Variants in RALYL observed in about 807,000 individuals in gnomAD.
The protein encoded by RALYL is RALY RNA binding protein like, also known as RNA-binding Raly-like protein.
Under a neutral mutation model 35.1 loss-of-function variants are expected in RALYL, and 29 were observed. The observed-to-expected ratio is 0.83, with a 90% CI of 0.61 to 1.13. The LOEUF (loss-of-function observed/expected upper bound fraction) is 1.13. RALYL is among the 50% of genes most tolerant of loss of function. The probability of loss-of-function intolerance (pLI) is 0.00; values close to 1 mark genes in which losing one functional copy is unlikely to be tolerated. For missense variants in RALYL, 359 were observed against 360.4 expected, an observed-to-expected ratio of 1.00 and a Z score of 0.03; for synonymous variants, 120 against 127.6, an observed-to-expected ratio of 0.94 and a Z score of 0.40.
intron 3 of RALYL, among the ~76,000 whole-genome samples, chr8:84,785,390 A>G (rs947072407): frequency 6.6e-6 from 1 of 152,134 alleles, no homozygotes; most frequent in African/African-American, 2.4e-5. Context: ...TTTAAGCCCC[A>G]TTTTCTCATA....
At chr8:84,315,925 A>G (rs1843677568) in intron 1 of RALYL, among the ~76,000 whole-genome samples, 1 of 152,146 alleles carries the variant, frequency 6.6e-6, no homozygotes, top group Non-Finnish European at 1.5e-5. Flanking sequence ...TTTGGTAATA[A>G]CAACCAAATA....
At chr8:84,895,008 G>GTCTGGCTCACA (rs1192120062) in intron 8 of RALYL, among the ~76,000 whole-genome samples, 2 of 152,164 alleles carry the variant, frequency 1.3e-5, no homozygotes, top group Non-Finnish European at 2.9e-5. Context: ...AATAATATGT[G>GTCTGGCTCACA]TCTGGCTCAC....
At chr8:84,426,256 T>C (rs1013139538) in intron 1 of RALYL, among the ~76,000 whole-genome samples, 1 of 152,178 alleles carries the variant, frequency 6.6e-6, no homozygotes, top group African/African-American at 2.4e-5. Flanking sequence ...AGCTAAAATC[T>C]ACTTATTTAG....
intron 1 of RALYL, among the ~76,000 whole-genome samples, chr8:84,406,659 C>T (rs547391363): frequency 6.6e-6 from 1 of 151,994 alleles, no homozygotes; most frequent in Non-Finnish European, 1.5e-5. Context: ...AACATCAAAA[C>T]TGAATATTTA....
At chr8:84,559,981 T>G (rs1265427271) in intron 2 of RALYL, among the ~76,000 whole-genome samples, 1 of 151,806 alleles carries the variant, frequency 6.6e-6, no homozygotes, top group South Asian at 2.1e-4. Flanking sequence ...AGGTTTTTTT[T>G]TTTTTTTAAT....
intron 8 of RALYL, among the ~76,000 whole-genome samples, chr8:84,901,055 G>A (rs1229114790): frequency 6.6e-6 from 1 of 152,132 alleles, no homozygotes; most frequent in Non-Finnish European, 1.5e-5. Flanking sequence ...CAGAGACTGA[G>A]AGATAGAGGT....
At chr8:84,299,743 T>A (rs1586066414) in intron 1 of RALYL, among the ~76,000 whole-genome samples, 1 of 152,064 alleles carries the variant, frequency 6.6e-6, no homozygotes, top group East Asian at 1.9e-4. Flanking sequence ...GATATTCTAA[T>A]TTGTGTGCAT....
intron 1 of RALYL, among the ~76,000 whole-genome samples, chr8:84,321,343 C>G (rs1844766939): frequency 6.6e-6 from 1 of 152,076 alleles, no homozygotes; most frequent in Admixed American, 6.6e-5. Context: ...TTGGGGCAGA[C>G]TGCCATGCTG....
chr8:84,269,345 T>A (rs2131914985), intron 1 of RALYL, among the ~76,000 whole-genome samples: 1 of 152,274 alleles, frequency 6.6e-6, no homozygotes, highest in Non-Finnish European at 1.5e-5. Flanking sequence ...TCAACAGAAG[T>A]CTTAGTGGGA....
chr8:84,455,670 T>C (rs2050056716), intron 1 of RALYL, among the ~76,000 whole-genome samples: 2 of 152,058 alleles, frequency 1.3e-5, no homozygotes, highest in South Asian at 4.1e-4. Flanking sequence ...CAAAGCTCTC[T>C]TACATGTATT....
chr8:84,679,897 A>C, intron 2 of RALYL: 1 of 344,558 alleles, frequency 2.9e-6, no homozygotes, highest in Admixed American at 3.7e-5. Context: ...CATGTGCACA[A>C]CGTGCAGGTT....
At chr8:84,905,631 A>AT (rs1846358834) in intron 8 of RALYL, among the ~76,000 whole-genome samples, 1 of 151,802 alleles carries the variant, frequency 6.6e-6, no homozygotes, top group African/African-American at 2.4e-5. Flanking sequence ...TAAACAATGA[A>AT]TTTTTGGATT....
At chr8:84,409,423 C>T (rs2043880645) in intron 1 of RALYL, among the ~76,000 whole-genome samples, 1 of 151,940 alleles carries the variant, frequency 6.6e-6, no homozygotes, top group Non-Finnish European at 1.5e-5. Flanking sequence ...CACTCCAGAA[C>T]AACAGGGGAC....
intron 1 of RALYL, among the ~76,000 whole-genome samples, chr8:84,528,308 A>G (rs144433128): frequency 3.9e-5 from 6 of 152,222 alleles, no homozygotes; most frequent in African/African-American, 1.4e-4. Context: ...ATGATGCATG[A>G]CAAAAAATGG....
intron 2 of RALYL, among the ~76,000 whole-genome samples, chr8:84,698,456 A>T (rs1212708097): frequency 6.6e-6 from 1 of 152,136 alleles, no homozygotes; most frequent in Non-Finnish European, 1.5e-5. Context: ...TTGAAGCAGA[A>T]TATGCAAGAT....
chr8:84,477,585 A>T (rs1416617303), intron 1 of RALYL, among the ~76,000 whole-genome samples: 1 of 150,602 alleles, frequency 6.6e-6, no homozygotes, highest in Non-Finnish European at 1.5e-5. Flanking sequence ...TTGCTTACAG[A>T]TTTATTATAA....
intron 1 of RALYL, among the ~76,000 whole-genome samples, chr8:84,208,444 A>T (rs1005097304): frequency 6.6e-6 from 1 of 151,274 alleles, no homozygotes; most frequent in Non-Finnish European, 1.5e-5. Flanking sequence ...GTGTCTGGTA[A>T]TTTTTTTTTA....
At chr8:84,299,589 T>C (rs979960691) in intron 1 of RALYL, among the ~76,000 whole-genome samples, 1 of 151,992 alleles carries the variant, frequency 6.6e-6, no homozygotes, top group Non-Finnish European at 1.5e-5. Context: ...TGTGAATCTG[T>C]GTGGTCCAGG....
chr8:84,598,654 A>T (rs1815181782), intron 2 of RALYL, among the ~76,000 whole-genome samples: 1 of 152,154 alleles, frequency 6.6e-6, no homozygotes, highest in African/African-American at 2.4e-5. Flanking sequence ...TCAACTAACA[A>T]TAGTCTTTTA....
Sources: allele counts gnomAD v4.1 joint callset (sites outside exome capture counted in the v4.1 genomes callset), GRCh38; gene constraint gnomAD v4.1.1; transcripts MANE v1.5; gene names NCBI Gene and HGNC (gene_info 2026-07-23, HGNC 2026-07-21).